CORO1C: variants seen among roughly 807,000 people sequenced by gnomAD.
The protein encoded by CORO1C is coronin-1C.
CORO1C carries 14 observed loss-of-function variants against 51.2 expected under a neutral mutation model. That is an observed-to-expected ratio of 0.27 (90% CI 0.18 to 0.43). The LOEUF is 0.43. Among genes scored for constraint, CORO1C ranks in the 20% least tolerant of loss-of-function variants. CORO1C has a pLI of 1.00. For missense variants in CORO1C, 417 were observed against 607.8 expected (o/e 0.69, Z 3.30); for synonymous variants, 181 against 210.5 (o/e 0.86, Z 1.21).
intron 1 of CORO1C, among the ~76,000 whole-genome samples, chr12:108,705,336 A>G (rs2034995005): frequency 1.3e-5 from 2 of 151,524 alleles, no homozygotes; most frequent in Non-Finnish European, 3.0e-5. Context: ...AAACTTAGCC[A>G]GGAGTCCCAG....
At chr12:108,668,289 G>C (rs2033572845) in intron 3 of CORO1C, among the ~76,000 whole-genome samples, 1 of 152,236 alleles carries the variant, frequency 6.6e-6, no homozygotes, top group South Asian at 2.1e-4. Flanking sequence ...CAAGAACCGA[G>C]TGTTGGGTTC....
chr12:108,686,487 G>T (rs1316728720), intron 2 of CORO1C, among the ~76,000 whole-genome samples: 1 of 152,072 alleles, frequency 6.6e-6, no homozygotes, highest in Non-Finnish European at 1.5e-5. Flanking sequence ...ATTTCACTAG[G>T]GATAAATCAC....
At chr12:108,694,989 A>G (rs1263795619) in intron 2 of CORO1C, among the ~76,000 whole-genome samples, 1 of 152,214 alleles carries the variant, frequency 6.6e-6, no homozygotes, top group Admixed American at 6.5e-5. Context: ...AACAATAAAC[A>G]TTTATTACTC....
chr12:108,725,520 C>T (rs11611166), intron 1 of CORO1C, among the ~76,000 whole-genome samples: 8,222 of 152,252 alleles, frequency 0.054, 622 homozygotes, highest in East Asian at 0.25. Context: ...CTGGCAAAGT[C>T]ACAGCTAGCA....
chr12:108,662,286 G>C (rs1429004504), intron 3 of CORO1C, 128 bp from the exon 4 acceptor site: 2 of 797,484 alleles, frequency 2.5e-6, no homozygotes, highest in African/African-American at 3.4e-5. Context: ...TGGATGAAAG[G>C]CAGAATGTTG....
At chr12:108,720,377 C>T (rs2035447142) in intron 1 of CORO1C, among the ~76,000 whole-genome samples, 1 of 152,024 alleles carries the variant, frequency 6.6e-6, no homozygotes. Flanking sequence ...ATAATCAAAA[C>T]CCCAAAATTT....
At chr12:108,702,732 C>G in intron 1 of CORO1C, 1 of 1,416,534 alleles carries the variant, frequency 7.1e-7, no homozygotes, top group Non-Finnish European at 9.2e-7. Context: ...AATTCCCTTC[C>G]TCATGGCCCT....
At chr12:108,725,822 T>C (rs2035574050) in intron 1 of CORO1C, among the ~76,000 whole-genome samples, 1 of 152,068 alleles carries the variant, frequency 6.6e-6, no homozygotes, top group Non-Finnish European at 1.5e-5. Flanking sequence ...TATTTATTTA[T>C]TTTTTTGAGA....
intron 3 of CORO1C, among the ~76,000 whole-genome samples, chr12:108,676,771 CAAA>C (rs770920855): frequency 1.7e-5 from 2 of 120,668 alleles, no homozygotes; most frequent in African/African-American, 6.7e-5. Context: ...GACTCCATCC[CAAA>C]AAAAAAAAAA....
chr12:108,653,331 A>G (rs538958269), intron 7 of CORO1C, among the ~76,000 whole-genome samples: 1 of 152,236 alleles, frequency 6.6e-6, no homozygotes. Flanking sequence ...AAATGCACTT[A>G]ACACCTGTTA....
At chr12:108,649,121 T>C in intron 8 of CORO1C, 101 bp from the exon 9 acceptor site, 1 of 1,399,850 alleles carries the variant, frequency 7.1e-7, no homozygotes, top group Non-Finnish European at 1.0e-6. Flanking sequence ...AAATGTCAAG[T>C]GCTTCTTTAC....
chr12:108,676,552 A>C (rs2136830519), intron 3 of CORO1C, among the ~76,000 whole-genome samples: 1 of 152,080 alleles, frequency 6.6e-6, no homozygotes, highest in African/African-American at 2.4e-5. Context: ...CGGGGGGATC[A>C]CTTGAGGTCA....
intron 7 of CORO1C, among the ~76,000 whole-genome samples, chr12:108,653,522 G>A (rs1368418585): frequency 6.6e-6 from 1 of 152,138 alleles, no homozygotes; most frequent in Non-Finnish European, 1.5e-5. Context: ...CAGCTCCACT[G>A]TTATTAATTC....
intron 10 of CORO1C, 113 bp from the exon 11 acceptor site, chr12:108,647,635 T>C (rs1209959598): frequency 1.4e-6 from 1 of 699,068 alleles, no homozygotes; most frequent in Non-Finnish European, 2.3e-6. Context: ...CGGCAAGCCA[T>C]AGTCACCAAG....
chr12:108,730,257 G>A (rs1188401497), intron 1 of CORO1C: 1 of 152,198 alleles, frequency 6.6e-6, no homozygotes, highest in Non-Finnish European at 1.5e-5. Context: ...CTACATTACG[G>A]CCAAATATAG....
At chr12:108,717,584 T>A (rs1285897558) in intron 1 of CORO1C, among the ~76,000 whole-genome samples, 1 of 152,144 alleles carries the variant, frequency 6.6e-6, no homozygotes, top group Non-Finnish European at 1.5e-5. Context: ...GCCAAAAGAC[T>A]TGAAGTCAAC....
intron 2 of CORO1C, among the ~76,000 whole-genome samples, chr12:108,700,597 A>G (rs1006629576): frequency 6.6e-6 from 1 of 152,132 alleles, no homozygotes; most frequent in Admixed American, 6.5e-5. Context: ...TATTGTCCAG[A>G]ATTGAAATCT....
chr12:108,674,212 T>C (rs1337494344), intron 3 of CORO1C, among the ~76,000 whole-genome samples: 2 of 152,244 alleles, frequency 1.3e-5, no homozygotes, highest in African/African-American at 4.8e-5. Context: ...ATACATTTCA[T>C]AAGGCTACAG....
intron 3 of CORO1C, among the ~76,000 whole-genome samples, chr12:108,672,097 T>G (rs2033742423): frequency 6.6e-6 from 1 of 152,148 alleles, no homozygotes; most frequent in African/African-American, 2.4e-5. Context: ...CACTTTCAAG[T>G]AAAAAGATCA....
Sources: gnomAD v4.1 joint callset for allele counts (sites outside exome capture counted in the v4.1 genomes callset) on GRCh38, gnomAD v4.1.1 for gene constraint, MANE v1.5 for transcripts, NCBI Gene and HGNC (gene_info 2026-07-23, HGNC 2026-07-21) for gene names.